The following LAMA2 variants were observed in gnomAD, a reference collection of about 807,000 sequenced individuals.
The protein encoded by LAMA2 is laminin subunit alpha-2.
A neutral mutation model predicts 364.8 loss-of-function variants in LAMA2; 269 were observed. The ratio of observed to expected loss-of-function variants is 0.74; its 90% confidence interval spans 0.67 to 0.82. The LOEUF (loss-of-function observed/expected upper bound fraction) is 0.82, where lower values mean the gene tolerates loss of function less well. LAMA2 is among the 40% of genes least tolerant of loss of function. The probability of loss-of-function intolerance (pLI) is 0.00; values close to 1 mark genes in which losing one functional copy is unlikely to be tolerated. For missense variants in LAMA2, 3,807 were observed against 3,873.2 expected (o/e 0.98, Z 0.45); for synonymous variants, 1,379 against 1,370.6 (o/e 1.01, Z -0.14).
At chr6:129,420,187 A>G (rs1289240740) in intron 40 of LAMA2, among the ~76,000 whole-genome samples, 1 of 152,090 alleles carries the variant, frequency 6.6e-6, no homozygotes, top group Non-Finnish European at 1.5e-5. Context: ...ATAACTTACT[A>G]TGGGAATGAA....
intron 37 of LAMA2, among the ~76,000 whole-genome samples, chr6:129,400,168 C>G (rs1158424523): frequency 6.6e-6 from 1 of 152,152 alleles, no homozygotes; most frequent in Non-Finnish European, 1.5e-5. Context: ...GATGAACAAG[C>G]TCCTTCAGGT....
chr6:129,040,998 C>T (rs1183576289), intron 1 of LAMA2, among the ~76,000 whole-genome samples: 2 of 152,158 alleles, frequency 1.3e-5, no homozygotes, highest in African/African-American at 4.8e-5. Context: ...CACAGTAGAT[C>T]TTTAATAATA....
intron 1 of LAMA2, among the ~76,000 whole-genome samples, chr6:128,966,891 C>T (rs4532463): frequency 0.027 from 4,162 of 152,174 alleles, 157 homozygotes; most frequent in African/African-American, 0.084. Flanking sequence ...TTTTAATCTG[C>T]AATTAGTTAA....
At chr6:128,948,883 A>G (rs922385277) in intron 1 of LAMA2, among the ~76,000 whole-genome samples, 2 of 152,152 alleles carry the variant, frequency 1.3e-5, no homozygotes, top group Non-Finnish European at 1.5e-5. Flanking sequence ...TGTCTGCACC[A>G]TGGTTCCTGT....
At chr6:129,213,869 A>G (rs1181189477) in intron 12 of LAMA2, among the ~76,000 whole-genome samples, 3 of 152,166 alleles carry the variant, frequency 2.0e-5, no homozygotes, top group Non-Finnish European at 4.4e-5. Context: ...AATAAAATCT[A>G]AAATGAATTT....
At chr6:129,440,669 G>C in intron 42 of LAMA2, 147 bp from the exon 43 acceptor site, 1 of 733,196 alleles carries the variant, frequency 1.4e-6, no homozygotes, top group Admixed American at 2.3e-5. Context: ...TGCTTCATTT[G>C]CTACACCTGA....
At chr6:128,955,432 A>G (rs1249973331) in intron 1 of LAMA2, among the ~76,000 whole-genome samples, 1 of 151,944 alleles carries the variant, frequency 6.6e-6, no homozygotes. Context: ...ACTAGCCTAC[A>G]TGGCCATTGG....
At chr6:128,916,557 A>G (rs1208521989) in intron 1 of LAMA2, among the ~76,000 whole-genome samples, 1 of 152,220 alleles carries the variant, frequency 6.6e-6, no homozygotes, top group East Asian at 1.9e-4. Flanking sequence ...TGGCATTTCA[A>G]GTCTTCCTTC....
chr6:129,205,347 A>G (rs987558693), intron 12 of LAMA2, among the ~76,000 whole-genome samples: 5 of 151,450 alleles, frequency 3.3e-5, no homozygotes, highest in African/African-American at 7.3e-5. Flanking sequence ...AGCAGAGATC[A>G]TGCCACTACA....
intron 4 of LAMA2, among the ~76,000 whole-genome samples, chr6:129,106,716 C>T (rs1775842557): frequency 6.6e-6 from 1 of 151,818 alleles, no homozygotes; most frequent in African/African-American, 2.4e-5. Context: ...TTTGAAATGA[C>T]ACACACATAA....
At chr6:129,205,495 C>CATATATATATATATATAT (rs1449237856) in intron 12 of LAMA2, among the ~76,000 whole-genome samples, 1 of 67,648 alleles carries the variant, frequency 1.5e-5, no homozygotes, top group African/African-American at 9.8e-5. Context: ...TATATATATA[C>CATATATATATATATATAT]ACACACACAC....
chr6:129,511,560 G>A (rs907375630), intron 62 of LAMA2, among the ~76,000 whole-genome samples: 38 of 152,124 alleles, frequency 2.5e-4, no homozygotes, highest in African/African-American at 6.7e-4. Context: ...GCAGACAGCC[G>A]TGGCTACACA....
At position 129,102,872 on chromosome 6, in the gene LAMA2, T is replaced by C. The variant is rs76596732; in HGVS notation, c.639+4457T>C. Among the ~76,000 whole-genome samples, 329 of 152,352 alleles carry C rather than the reference T, an allele frequency of 2.2e-3. 8 individuals carry two copies. In the East Asian group the frequency reaches 0.06, roughly 28 times the overall value. The stretch of plus-strand genomic sequence containing the variant: ...ACATTCAGATGATTCAAAGCATTGC[T>C]ATAACCCAGTGACAGCTGCTTTAAT... On this transcript the variant is annotated intron_variant, in intron 4 of 64. Coordinates refer to ENST00000421865, the MANE Select transcript of LAMA2 (RefSeq NM_000426.4).
intron 40 of LAMA2, among the ~76,000 whole-genome samples, chr6:129,426,455 T>C (rs115540870): frequency 6.6e-6 from 1 of 152,190 alleles, no homozygotes; most frequent in African/African-American, 2.4e-5. Flanking sequence ...GTGTCATTAA[T>C]TTTGACACTC....
chr6:129,171,883 C>CT (rs1365871671), intron 9 of LAMA2, among the ~76,000 whole-genome samples: 4 of 105,240 alleles, frequency 3.8e-5, no homozygotes, highest in African/African-American at 1.5e-4. Flanking sequence ...TCTTTTTATT[C>CT]TTTTTTCTCT....
rs1193023998 is a variant in LAMA2 at position 129,445,682 on chromosome 6, C to A, written c.6290C>A (p.Ala2097Asp). 1.4e-5 allele frequency: 23 copies of A among 1,613,728 alleles called. No individual in the cohort carries two copies. Among genetic ancestry groups the A allele is most frequent in the Non-Finnish European group, 1.9e-5 (22 of 1,179,854 alleles). The change falls in exon 45 of 65, where the codon GCC becomes GAC. Residue 2097 changes from alanine (A) to aspartate (D), a missense_variant. Physicochemically the swap from Ala to Asp is moderately radical, Grantham distance 126 (BLOSUM62 -2). This residue lies in a region of LAMA2 where 3,333 missense variants were observed against 3,345.7 expected (regional missense o/e 1.00). Transcript: ENST00000421865. Reference protein sequence around the residue: ...SKNKIIADADATVKNLEQEAD... With the variant: ...SKNKIIADADDTVKNLEQEAD... The stretch of plus-strand genomic sequence containing the variant: ...TTCTATGCAGTTGCCGATGCAGATG[C>A]CACTGTCAAAAATTTAGAACAGGAA...
At chr6:129,106,893 A>G (rs960932923) in intron 4 of LAMA2, among the ~76,000 whole-genome samples, 7 of 147,334 alleles carry the variant, frequency 4.8e-5, no homozygotes, top group East Asian at 2.0e-4. Context: ...TATATATACA[A>G]TGCCCAGAAA....
Position 129,270,736 on chromosome 6 carries a change from A to G in LAMA2, c.2435A>G (p.Asn812Ser). The G allele has an allele frequency of 6.2e-7, 1 of 1,613,262 alleles. No homozygotes were observed. Among genetic ancestry groups the G allele is most frequent in the Non-Finnish European group, 8.5e-7 (1 of 1,179,502 alleles). The change falls in exon 17 of 65, where the codon AAT becomes AGT. Residue 812 changes from asparagine (N) to serine (S), a missense_variant. By Grantham distance (46) the Asn-to-Ser change is conservative. Around this residue, in one of 3 missense-constraint regions of LAMA2, gnomAD observed 3,333 missense variants for 3,345.7 expected, o/e 1.00. Transcript: ENST00000421865. ...EDCQPCACPL[N>S]IPSNNFSPTC... ...TGTCAACCCTGTGCCTGTCCACTCA[A>G]TATCCCATCCAATAAGTAAGTAACA...
chr6:128,948,929 T>G (rs1219889065), intron 1 of LAMA2, among the ~76,000 whole-genome samples: 1 of 152,174 alleles, frequency 6.6e-6, no homozygotes, highest in Non-Finnish European at 1.5e-5. Context: ...TAAATATCTT[T>G]TCTTTATAAA....
Sources: gnomAD v4.1 joint callset for allele counts (sites outside exome capture counted in the v4.1 genomes callset) on GRCh38, gnomAD v4.1.1 for gene constraint, gnomAD v4.1.1 regional missense constraint, MANE v1.5 for transcripts, NCBI Gene and HGNC (gene_info 2026-07-23, HGNC 2026-07-21) for gene names.